The following LMNTD1 variants were observed in gnomAD, a reference collection of about 807,000 sequenced individuals.
LMNTD1 encodes the protein lamin tail domain containing 1.
In LMNTD1, 35 loss-of-function variants were observed where a neutral mutation model predicts 50.9. The ratio of observed to expected loss-of-function variants is 0.69; its 90% CI spans 0.53 to 0.91. The LOEUF is 0.91. Among genes scored for constraint, LMNTD1 ranks in the 40% least tolerant of loss-of-function variants. The pLI is 0.00. For missense variants in LMNTD1, 470 were observed against 475.5 expected (o/e 0.99, Z 0.11); for synonymous variants, 153 against 161.9 (o/e 0.94, Z 0.42).
intron 1 of LMNTD1, among the ~76,000 whole-genome samples, chr12:25,562,120 C>A (rs902759976): frequency 6.6e-6 from 1 of 152,174 alleles, no homozygotes; most frequent in Non-Finnish European, 1.5e-5. Flanking sequence ...TTAATTGGAA[C>A]ATTTAGCCCA....
At chr12:25,531,677 A>C (rs1430484466) in intron 4 of LMNTD1, among the ~76,000 whole-genome samples, 1 of 151,938 alleles carries the variant, frequency 6.6e-6, no homozygotes, top group Admixed American at 6.6e-5. Flanking sequence ...ATTTGGCTTG[A>C]TGTCTTTCAT....
At chr12:25,626,992 TCAGA>T (rs2136582967) in intron 1 of LMNTD1, among the ~76,000 whole-genome samples, 1 of 152,318 alleles carries the variant, frequency 6.6e-6, no homozygotes, top group East Asian at 1.9e-4. Flanking sequence ...AATCAGTAAG[TCAGA>T]CAAAGAACAT....
At chr12:25,588,551 G>T (rs1401743982) in intron 1 of LMNTD1, among the ~76,000 whole-genome samples, 1 of 152,016 alleles carries the variant, frequency 6.6e-6, no homozygotes, top group Admixed American at 6.6e-5. Flanking sequence ...GTTCAGGGAT[G>T]CATACATAGT....
upstream of LMNTD1, among the ~76,000 whole-genome samples, chr12:25,555,884 C>A (rs1944018961): frequency 6.7e-6 from 1 of 149,652 alleles, no homozygotes. Context: ...ATGGTGTCAT[C>A]AACATGGCTG....
At chr12:25,493,494 A>T (rs993569433) in intron 9 of LMNTD1, among the ~76,000 whole-genome samples, 1 of 152,200 alleles carries the variant, frequency 6.6e-6, no homozygotes, top group African/African-American at 2.4e-5. Flanking sequence ...TCCTTGTTTC[A>T]ATTAAATTCA....
chr12:25,528,710 A>G (rs890574295), intron 4 of LMNTD1, among the ~76,000 whole-genome samples: 1 of 151,940 alleles, frequency 6.6e-6, no homozygotes, highest in Non-Finnish European at 1.5e-5. Context: ...AGCCCACCCC[A>G]TTTCCATGGA....
At chr12:25,595,162 A>G (rs1945816904) in intron 1 of LMNTD1, among the ~76,000 whole-genome samples, 1 of 152,170 alleles carries the variant, frequency 6.6e-6, no homozygotes, top group African/African-American at 2.4e-5. Flanking sequence ...CACTGACAGC[A>G]CTAGACATCA....
chr12:25,572,995 CCTT>C (rs1334431784), intron 1 of LMNTD1, among the ~76,000 whole-genome samples: 1 of 152,198 alleles, frequency 6.6e-6, no homozygotes, highest in Admixed American at 6.5e-5. Flanking sequence ...TCCTCAGTCT[CCTT>C]CTGCAGCACT....
At chr12:25,612,328 A>ATG (rs71449924) in intron 1 of LMNTD1, among the ~76,000 whole-genome samples, 16 of 146,418 alleles carry the variant, frequency 1.1e-4, no homozygotes, top group Admixed American at 8.9e-4. Context: ...ACACACACAC[A>ATG]CGCGCTCCCA....
intron 8 of LMNTD1, among the ~76,000 whole-genome samples, chr12:25,515,111 T>A (rs539898847): frequency 6.6e-6 from 1 of 152,110 alleles, no homozygotes; most frequent in Non-Finnish European, 1.5e-5. Context: ...TTTGTATGTA[T>A]GCACAAGTAG....
intron 1 of LMNTD1, among the ~76,000 whole-genome samples, chr12:25,633,637 A>G (rs1592124627): frequency 6.6e-6 from 1 of 152,164 alleles, no homozygotes. Flanking sequence ...AACAACAATA[A>G]TGACACAACC....
In LMNTD1 at chr12:25,507,962, T is replaced by C. The variant is rs140799544; in HGVS notation, c.1190-4162A>G. 1.4e-3 allele frequency among the ~76,000 whole-genome samples: 212 copies of C among 152,252 alleles called. 1 individual carries two copies. In the South Asian group the frequency reaches 0.016, roughly 11 times the overall value. ...TTAATGGTTAAGACTGTTTTTCTCT[T>C]ACACTGAATAAGCTTCATGTTATTA... On this transcript the variant is annotated intron_variant, in intron 8 of 9. Coordinates refer to ENST00000458174, the MANE Select transcript of LMNTD1 (RefSeq NM_001145728.2).
At chr12:25,587,346 AG>A (rs1945560929) in intron 1 of LMNTD1, among the ~76,000 whole-genome samples, 2 of 152,254 alleles carry the variant, frequency 1.3e-5, no homozygotes, top group Admixed American at 1.3e-4. Context: ...CAAGCTGTGC[AG>A]GAAGCATGGT....
At chr12:25,495,997 A>G (rs896090579) in intron 9 of LMNTD1, among the ~76,000 whole-genome samples, 1 of 152,228 alleles carries the variant, frequency 6.6e-6, no homozygotes, top group Admixed American at 6.5e-5. Flanking sequence ...GATGAAGATC[A>G]ATGAATCAGA....
chr12:25,610,295 G>A (rs1946212395), intron 1 of LMNTD1, among the ~76,000 whole-genome samples: 1 of 152,126 alleles, frequency 6.6e-6, no homozygotes, highest in Admixed American at 6.6e-5. Flanking sequence ...TGTGCTTCCT[G>A]GGTGAGGCAA....
At chr12:25,643,653 C>T (rs1946996964) in intron 1 of LMNTD1, among the ~76,000 whole-genome samples, 1 of 152,186 alleles carries the variant, frequency 6.6e-6, no homozygotes, top group African/African-American at 2.4e-5. Context: ...CATGACTAAT[C>T]GAGTGTCACT....
In LMNTD1 at chr12:25,622,463, G is replaced by GCCCCCCC. The variant is rs199777995; in HGVS notation, c.58+26030_58+26031insGGGGGGG. Among the ~76,000 whole-genome samples the GCCCCCCC allele has an allele frequency of 2.5e-4, 28 of 111,212 alleles. 2 individuals are homozygous for GCCCCCCC. The highest frequency in any genetic ancestry group is 3.6e-4 in the Non-Finnish European group (18 of 49,464). The allele number at this position is 111,212 out of a possible 152,430, so 73.0% of individuals were successfully genotyped here. On this transcript the variant is annotated intron_variant, in intron 1 of 7. Coordinates refer to the LMNTD1 transcript ENST00000445693. ...GTTGCCCTTGACCTTGAGTTTGTGA[G>GCCCCCCC]CCCGCCCCCCCCCGCAAAATAATAT...
chr12:25,629,582 C>T (rs1946668675), intron 1 of LMNTD1, among the ~76,000 whole-genome samples: 1 of 152,168 alleles, frequency 6.6e-6, no homozygotes, highest in African/African-American at 2.4e-5. Flanking sequence ...ATGCAGAGGT[C>T]ATGCCTCTGG....
At chr12:25,488,982 C>G (rs528921801) in intron 9 of LMNTD1, among the ~76,000 whole-genome samples, 10 of 152,188 alleles carry the variant, frequency 6.6e-5, no homozygotes, top group Non-Finnish European at 4.4e-5. Flanking sequence ...GCAGTGTGCC[C>G]GTTCTCAGAT....
Sources: gnomAD v4.1 joint callset for allele counts (sites outside exome capture counted in the v4.1 genomes callset) on GRCh38, gnomAD v4.1.1 for gene constraint, MANE v1.5 for transcripts, NCBI Gene and HGNC (gene_info 2026-07-23, HGNC 2026-07-21) for gene names.